Variants in TNS3 observed in about 807,000 individuals in gnomAD.
TNS3 encodes the protein tensin-3.
A neutral mutation model predicts 140.9 loss-of-function variants in TNS3; 45 were observed. That is an observed-to-expected ratio of 0.32 (90% CI 0.25 to 0.41). The LOEUF (loss-of-function observed/expected upper bound fraction) is 0.41. Among genes scored for constraint, TNS3 ranks in the 10% least tolerant of loss-of-function variants. The pLI is 1.00. For synonymous variants in TNS3, 815 were observed against 788.4 expected, an observed-to-expected ratio of 1.03 and a Z score of -0.56; for missense variants, 1,716 against 1,906.7, an observed-to-expected ratio of 0.90 and a Z score of 1.86.
At position 47,318,791 on chromosome 7, in the gene TNS3, G is replaced by A. The variant is rs1027825429; in HGVS notation, c.2651-13788C>T. 3.9e-5 allele frequency among the ~76,000 whole-genome samples: 6 copies of A among 152,204 alleles called. No individual in the cohort carries two copies. The East Asian group carries it at 9.6e-4, about 24-fold the overall frequency. ...CAGGAGTGGACAGCGGTCAGAGAAA[G>A]CTTCAGGCAGCTCAAGATGATACCG... On this transcript the variant is annotated intron_variant, in intron 20 of 30. Coordinates refer to ENST00000311160, the MANE Select transcript of TNS3 (RefSeq NM_022748.12).
chr7:47,422,907 A>G (rs908019230), intron 10 of TNS3, among the ~76,000 whole-genome samples: 1 of 152,140 alleles, frequency 6.6e-6, no homozygotes, highest in African/African-American at 2.4e-5. Context: ...TGACTGTTTA[A>G]CTAAAATATT....
intron 17 of TNS3, among the ~76,000 whole-genome samples, chr7:47,355,321 G>A (rs1273882058): frequency 2.0e-5 from 3 of 152,168 alleles, no homozygotes; most frequent in Non-Finnish European, 4.4e-5. Flanking sequence ...ATCCTATGAC[G>A]TACCTTATCC....
chr7:47,536,087 C>G (rs1045845410), intron 1 of TNS3, among the ~76,000 whole-genome samples: 3 of 152,218 alleles, frequency 2.0e-5, no homozygotes, highest in Non-Finnish European at 4.4e-5. Context: ...CCACAGGGGG[C>G]CGGTATCTGG....
intron 4 of TNS3, among the ~76,000 whole-genome samples, chr7:47,473,516 G>A (rs1244081934): frequency 2.0e-5 from 3 of 152,184 alleles, no homozygotes; most frequent in Non-Finnish European, 4.4e-5. Flanking sequence ...ATCTTCAGCC[G>A]AGACTCTGCT....
intron 4 of TNS3, chr7:47,452,826 T>C (rs1796077391): frequency 1.4e-6 from 1 of 737,938 alleles, no homozygotes; most frequent in Non-Finnish European, 1.7e-6. Context: ...GCCCCTTCAC[T>C]GCAAAGCAGC....
intron 8 of TNS3, among the ~76,000 whole-genome samples, chr7:47,431,782 A>T (rs1474965538): frequency 2.0e-5 from 3 of 152,224 alleles, no homozygotes. Context: ...AAATTGACAA[A>T]TCTTTACCTA....
intron 2 of TNS3, among the ~76,000 whole-genome samples, chr7:47,514,494 C>T (rs1411747454): frequency 6.6e-6 from 1 of 152,150 alleles, no homozygotes. Context: ...GTGGAACAAC[C>T]CATTACCAAA....
At chr7:47,383,839 G>T (rs1320366534) in intron 16 of TNS3, among the ~76,000 whole-genome samples, 2 of 152,132 alleles carry the variant, frequency 1.3e-5, no homozygotes, top group Non-Finnish European at 2.9e-5. Flanking sequence ...ACCCTCTAGT[G>T]CAGGGTTCCA....
At chr7:47,478,994 C>T (rs1797310234) in intron 4 of TNS3, among the ~76,000 whole-genome samples, 1 of 152,072 alleles carries the variant, frequency 6.6e-6, no homozygotes. Flanking sequence ...CCAGGCTGGG[C>T]TAGAAGAGCG....
intron 24 of TNS3, 105 bp from the exon 25 acceptor site, chr7:47,293,933 T>C (rs1397529138): frequency 2.9e-6 from 3 of 1,027,258 alleles, no homozygotes; most frequent in Non-Finnish European, 4.4e-6. Flanking sequence ...AAAAGGCTCT[T>C]CTCTGAATAC....
At chr7:47,518,885 G>A (rs1425833848) in intron 2 of TNS3, among the ~76,000 whole-genome samples, 4 of 152,224 alleles carry the variant, frequency 2.6e-5, no homozygotes, top group Admixed American at 1.3e-4. Context: ...TGGCTCTGGA[G>A]ATCACAGGTT....
intron 5 of TNS3, 97 bp from the exon 6 acceptor site, chr7:47,439,755 G>A: frequency 7.5e-7 from 1 of 1,337,148 alleles, no homozygotes; most frequent in South Asian, 1.4e-5. Context: ...CTCATCCCCT[G>A]GGTGTTCACA....
chr7:47,507,196 G>A (rs1306689420), intron 2 of TNS3, among the ~76,000 whole-genome samples: 1 of 152,220 alleles, frequency 6.6e-6, no homozygotes, highest in Non-Finnish European at 1.5e-5. Flanking sequence ...AGGTAGGAAT[G>A]TCTTGGGAGC....
chr7:47,285,651 T>C (rs1217316311), intron 27 of TNS3, among the ~76,000 whole-genome samples: 1 of 152,238 alleles, frequency 6.6e-6, no homozygotes, highest in African/African-American at 2.4e-5. Context: ...ACTAGTATAC[T>C]TGGCGATATT....
At chr7:47,363,051 C>T (rs1173783132) in intron 17 of TNS3, among the ~76,000 whole-genome samples, 2 of 132,248 alleles carry the variant, frequency 1.5e-5, no homozygotes, top group Non-Finnish European at 1.6e-5. Context: ...ATCATCACCA[C>T]CATCACCGTC....
chr7:47,378,139 C>T (rs902139971), intron 16 of TNS3, among the ~76,000 whole-genome samples: 10 of 151,962 alleles, frequency 6.6e-5, no homozygotes, highest in African/African-American at 2.4e-4. Flanking sequence ...ACACAAAAGG[C>T]ATGGCACACA....
intron 20 of TNS3, among the ~76,000 whole-genome samples, chr7:47,319,700 T>C (rs1184263051): frequency 6.6e-6 from 1 of 152,140 alleles, no homozygotes; most frequent in South Asian, 2.1e-4. Context: ...TGGACCTGAA[T>C]AGAATCAAAG....
At chr7:47,453,006 C>T in intron 4 of TNS3, 3 of 985,560 alleles carry the variant, frequency 3.0e-6, no homozygotes, top group Non-Finnish European at 2.4e-6. Flanking sequence ...CTACGTTTCG[C>T]TCCTTCCCCT....
chr7:47,327,428 A>C (rs1788085362), intron 20 of TNS3, among the ~76,000 whole-genome samples: 2 of 152,296 alleles, frequency 1.3e-5, no homozygotes, highest in Admixed American at 1.3e-4. Context: ...GGGTGCTCAG[A>C]AGTGCAGCCT....
Sources: allele counts gnomAD v4.1 joint callset (sites outside exome capture counted in the v4.1 genomes callset), GRCh38; gene constraint gnomAD v4.1.1; transcripts MANE v1.5; gene names NCBI Gene and HGNC (gene_info 2026-07-23, HGNC 2026-07-21).